PCBP3: variants seen among roughly 807,000 people sequenced by gnomAD.
PCBP3 encodes the protein poly(rC) binding protein 3, also known as poly(rC)-binding protein 3.
PCBP3 carries 25 observed loss-of-function variants against 52.7 expected under a neutral mutation model. The ratio of observed to expected loss-of-function variants is 0.47; its 90% CI spans 0.35 to 0.66. The LOEUF is 0.66. Among genes scored for constraint, PCBP3 ranks in the 30% least tolerant of loss-of-function variants. The pLI is 0.01. For missense variants in PCBP3, 391 were observed against 490.3 expected (o/e 0.80, Z 1.91); for synonymous variants, 162 against 183.0 (o/e 0.89, Z 0.93).
intron 1 of PCBP3, among the ~76,000 whole-genome samples, chr21:45,662,858 G>A (rs545648237): frequency 5.9e-5 from 9 of 152,122 alleles, no homozygotes; most frequent in South Asian, 4.2e-4. Context: ...TAGTGGTAGC[G>A]TCAGTGCCAA....
At chr21:45,712,476 G>T (rs1414401462) in intron 2 of PCBP3, among the ~76,000 whole-genome samples, 2 of 152,044 alleles carry the variant, frequency 1.3e-5, no homozygotes, top group African/African-American at 4.8e-5. Context: ...GTTTTAATAT[G>T]CAGTTTCCTA....
Position 45,800,364 on chromosome 21 carries a change from T to C in PCBP3, c.-126+44912T>C, listed in dbSNP as rs554680785. ...GCCCTGAGCCAGGCCTTCTGTGAAG[T>C]GCAGATGATGTCGCCTTTGTAGACA... is the stretch of plus-strand genomic sequence containing the variant. On this transcript the variant is annotated intron_variant, in intron 4 of 17. Transcript: ENST00000681687. The surrounding 1 kb of genome is among the most constrained non-coding windows in gnomAD (Gnocchi z 5.3). Among the ~76,000 whole-genome samples the C allele has an allele frequency of 2.7e-4, 41 of 152,202 alleles. No individual in the cohort carries two copies. Among genetic ancestry groups the C allele is most frequent in the African/African-American group, 9.6e-4 (40 of 41,542 alleles).
chr21:45,862,190 TG>T (rs2094537477), intron 5 of PCBP3, among the ~76,000 whole-genome samples: 2 of 46,646 alleles, frequency 4.3e-5, no homozygotes, highest in Admixed American at 4.8e-4. Context: ...TTGGGGCGGG[TG>T]GGGGGACACG....
intron 2 of PCBP3, among the ~76,000 whole-genome samples, chr21:45,710,600 A>C (rs1428310297): frequency 6.6e-6 from 1 of 152,150 alleles, no homozygotes; most frequent in Non-Finnish European, 1.5e-5. Flanking sequence ...ACGTATGTTT[A>C]TTGCGGCACT....
chr21:45,920,339 G>A (rs1477113818), intron 13 of PCBP3, among the ~76,000 whole-genome samples: 1 of 152,222 alleles, frequency 6.6e-6, no homozygotes, highest in Non-Finnish European at 1.5e-5. Flanking sequence ...CGGTGGGACT[G>A]CAGGACCCTG....
In PCBP3 at chr21:45,917,772, C is replaced by T. The variant is rs1291289689; in HGVS notation, c.717+143C>T. The T allele has an allele frequency of 1.3e-6, 1 of 750,072 alleles. No homozygotes were observed. Among genetic ancestry groups the T allele is most frequent in the East Asian group, 2.6e-5 (1 of 38,794 alleles). The allele number at this position is 750,072 out of a possible 1,614,324, so 46.5% of individuals were successfully genotyped here. A position where few individuals can be genotyped will look rare whatever the true frequency, so the allele number is the denominator to read the frequency against. ...CAGCGTTCCTGACCTGTGTCGTATC[C>T]ATATGACCTCGAATAACCTTTTAAC... On this transcript the variant is annotated intron_variant, in intron 13 of 17. Transcript: ENST00000681687. The surrounding 1 kb of genome is among the most constrained non-coding windows in gnomAD (Gnocchi z 5.3).
rs982413181 is a variant in PCBP3 at position 45,791,950 on chromosome 21, G to A, written c.-126+36498G>A. Among the ~76,000 whole-genome samples the A allele has an allele frequency of 7.2e-5, 11 of 152,254 alleles. No individual in the cohort carries two copies. Among genetic ancestry groups the A allele is most frequent in the Non-Finnish European group, 1.5e-4 (10 of 68,042 alleles). ...ATGCCCAGTCCCCATCCTTAGGGCAGTGCCCGCCCTCAGGCTGACAGCCTT... is the reference window on the plus strand; with the variant it reads ...ATGCCCAGTCCCCATCCTTAGGGCAATGCCCGCCCTCAGGCTGACAGCCTT... On this transcript the variant is annotated intron_variant, in intron 4 of 17. Transcript: ENST00000681687. The surrounding 1 kb of genome is among the most constrained non-coding windows in gnomAD (Gnocchi z 4.2).
At chr21:45,759,849 G>A (rs920518872) in intron 4 of PCBP3, 3 of 152,152 alleles carry the variant, frequency 2.0e-5, no homozygotes, top group Non-Finnish European at 4.4e-5. Context: ...TGAAACTCTG[G>A]AACACCAAAG....
chr21:45,739,688 G>T (rs1052676286), intron 3 of PCBP3, among the ~76,000 whole-genome samples: 2 of 135,132 alleles, frequency 1.5e-5, no homozygotes, highest in Non-Finnish European at 3.1e-5. Context: ...TGTCCTCTGG[G>T]TGGCCCCCCC....
At chr21:45,659,522 T>A (rs2080247402) in intron 1 of PCBP3, among the ~76,000 whole-genome samples, 2 of 151,938 alleles carry the variant, frequency 1.3e-5, no homozygotes, top group African/African-American at 4.8e-5. Flanking sequence ...GCTAATTTTT[T>A]AATTTTTTGT....
At chr21:45,914,576 T>G in intron 12 of PCBP3, 2 of 157,614 alleles carry the variant, frequency 1.3e-5, no homozygotes, top group Non-Finnish European at 2.8e-5. Flanking sequence ...CCATACCCCA[T>G]ACCCAGTCTG....
chr21:45,889,622 G>A (rs564314690), intron 5 of PCBP3, among the ~76,000 whole-genome samples: 44 of 152,344 alleles, frequency 2.9e-4, no homozygotes, highest in African/African-American at 6.0e-4. Context: ...AGTTAGAGGC[G>A]GGGAGCTTCA....
At chr21:45,750,874 A>AAG (rs2087408736) in intron 3 of PCBP3, 1 of 140,142 alleles carries the variant, frequency 7.1e-6, no homozygotes, top group African/African-American at 2.7e-5. Flanking sequence ...ACATACATGT[A>AAG]AGTGTGTGTG....
chr21:45,644,146 C>T (rs983182344), intron 1 of PCBP3, among the ~76,000 whole-genome samples: 3 of 151,180 alleles, frequency 2.0e-5, no homozygotes, highest in African/African-American at 7.3e-5. Flanking sequence ...GAAGTTGCGG[C>T]GGGAAGCCGA....
intron 4 of PCBP3, among the ~76,000 whole-genome samples, chr21:45,765,874 A>G (rs1244256856): frequency 1.3e-5 from 2 of 152,250 alleles, no homozygotes; most frequent in East Asian, 3.8e-4. Flanking sequence ...GGGAAGGCTC[A>G]AATTTTGTTC....
chr21:45,887,282 G>T (rs1413047849), intron 5 of PCBP3, among the ~76,000 whole-genome samples: 2 of 152,218 alleles, frequency 1.3e-5, no homozygotes, highest in Non-Finnish European at 2.9e-5. Context: ...GGAAGGATTG[G>T]GAAGCACTGT....
intron 2 of PCBP3, among the ~76,000 whole-genome samples, chr21:45,677,954 G>A (rs1338187370): frequency 6.6e-6 from 1 of 152,230 alleles, no homozygotes; most frequent in East Asian, 1.9e-4. Flanking sequence ...TGTGCAAGGA[G>A]ATGAATGCTG....
chr21:45,665,696 G>A (rs1483377767), intron 1 of PCBP3, among the ~76,000 whole-genome samples: 2 of 152,134 alleles, frequency 1.3e-5, no homozygotes. Flanking sequence ...GATGTGTAAA[G>A]AAGAACCGGT....
intron 2 of PCBP3, among the ~76,000 whole-genome samples, chr21:45,688,822 T>G (rs1025309062): frequency 3.3e-5 from 5 of 151,714 alleles, no homozygotes; most frequent in Middle Eastern, 3.2e-3. Context: ...TGATGCAATA[T>G]TTTATATCAC....
Sources: allele counts gnomAD v4.1 joint callset (sites outside exome capture counted in the v4.1 genomes callset), GRCh38; gene constraint gnomAD v4.1.1; non-coding constraint Gnocchi (gnomAD v3.1); transcripts MANE v1.5; gene names NCBI Gene and HGNC (gene_info 2026-07-23, HGNC 2026-07-21).